The following ENPEP variants were observed in gnomAD, a reference collection of about 807,000 sequenced individuals.
The protein encoded by ENPEP is glutamyl aminopeptidase.
Under a neutral mutation model 114.5 loss-of-function variants are expected in ENPEP, and 103 were observed. The observed-to-expected ratio is 0.90, with a 90% CI of 0.77 to 1.06. The LOEUF (loss-of-function observed/expected upper bound fraction) is 1.06, where lower values mean the gene tolerates loss of function less well. ENPEP is among the 50% of genes least tolerant of loss of function. ENPEP has a pLI of 0.00. For missense variants in ENPEP, 1,196 were observed against 1,161.3 expected, an observed-to-expected ratio of 1.03 and a Z score of -0.43; for synonymous variants, 420 against 422.0, an observed-to-expected ratio of 1.00 and a Z score of 0.06.
chr4:110,560,631 A>G (rs1727645381), intron 19 of ENPEP, among the ~76,000 whole-genome samples: 1 of 152,196 alleles, frequency 6.6e-6, no homozygotes, highest in Non-Finnish European at 1.5e-5. Context: ...TCATGAAATC[A>G]TGGGCAGAAA....
At chr4:110,479,404 G>A (rs1371735238) in intron 1 of ENPEP, among the ~76,000 whole-genome samples, 3 of 151,996 alleles carry the variant, frequency 2.0e-5, no homozygotes, top group African/African-American at 4.8e-5. Context: ...AACTATTTAT[G>A]GACATTTTCT....
In ENPEP at chr4:110,506,456, A is replaced by G. The variant is rs572848845; in HGVS notation, c.919-181A>G. Reference sequence around the variant, plus strand: ...AACATTTTACATAAAATTCCTCCAGAGTCTCAGAGATGTGAAGTGATTTAT... The same window carrying G: ...AACATTTTACATAAAATTCCTCCAGGGTCTCAGAGATGTGAAGTGATTTAT... On this transcript the variant is annotated intron_variant, in intron 3 of 19. Transcript: ENST00000265162. 2.0e-5 allele frequency among the ~76,000 whole-genome samples: 3 copies of G among 152,358 alleles called. No individual in the cohort carries two copies. In the South Asian group the frequency reaches 6.2e-4, roughly 32 times the overall value.
chr4:110,543,369 C>T (rs1211691201), intron 13 of ENPEP, among the ~76,000 whole-genome samples: 1 of 151,968 alleles, frequency 6.6e-6, no homozygotes, highest in Non-Finnish European at 1.5e-5. Flanking sequence ...TGCAAATGAT[C>T]AAAAATGTAC....
At chr4:110,536,131 A>G (rs1726615892) in intron 11 of ENPEP, among the ~76,000 whole-genome samples, 1 of 150,870 alleles carries the variant, frequency 6.6e-6, no homozygotes, top group Non-Finnish European at 1.5e-5. Flanking sequence ...AAAAAAAAAA[A>G]AAGAATTAAG....
At chr4:110,484,749 ATATTTTATATATATATTATAT>A (rs895778944) in intron 1 of ENPEP, among the ~76,000 whole-genome samples, 1 of 130,646 alleles carries the variant, frequency 7.7e-6, no homozygotes, top group African/African-American at 3.1e-5. Flanking sequence ...ATATTATATT[ATATTTTATATATATATTATAT>A]TATATATATA....
At chr4:110,542,972 C>A (rs775646552) in intron 12 of ENPEP, 43 bp from the exon 13 acceptor site, 18 of 1,610,710 alleles carry the variant, frequency 1.1e-5, no homozygotes, top group Non-Finnish European at 1.4e-5. Flanking sequence ...ACATGCTTTG[C>A]CTTAAGAATT....
At chr4:110,544,477 A>G (rs1726975508) in intron 13 of ENPEP, among the ~76,000 whole-genome samples, 2 of 152,090 alleles carry the variant, frequency 1.3e-5, no homozygotes, top group Admixed American at 1.3e-4. Context: ...TGGATATGTA[A>G]TAGATTATTT....
rs575534244 is a variant in ENPEP, at chr4:110,513,177, T to C, written c.1309-238T>C. 1.6e-5 allele frequency: 5 copies of C among 308,780 alleles called. No individual in the cohort carries two copies. The Admixed American group carries it at 2.0e-4, about 12-fold the overall frequency. The allele number at this position is 308,780 out of a possible 1,614,324, so 19.1% of individuals were successfully genotyped here. Reference sequence around the variant, plus strand: ...GTCGCAGAAGCAGAATTCACAGAAGTTGATGTCTTCTCGGCCTGTCATCTG... The same window carrying C: ...GTCGCAGAAGCAGAATTCACAGAAGCTGATGTCTTCTCGGCCTGTCATCTG... On this transcript the variant is annotated intron_variant, in intron 6 of 19. Coordinates refer to ENST00000265162, the MANE Select transcript of ENPEP (RefSeq NM_001977.4).
chr4:110,497,185 T>A (rs1724978052), intron 3 of ENPEP, among the ~76,000 whole-genome samples: 1 of 152,236 alleles, frequency 6.6e-6, no homozygotes, highest in Non-Finnish European at 1.5e-5. Context: ...GTGATTTTTC[T>A]GTTTTCCTCA....
chr4:110,515,821 C>T (rs896415238), intron 8 of ENPEP: 14 of 456,918 alleles, frequency 3.1e-5, no homozygotes, highest in Admixed American at 1.6e-4. Flanking sequence ...TGGCTGATTC[C>T]GTTTCTGGTG....
intron 9 of ENPEP, 37 bp downstream of exon 9, chr4:110,520,110 C>T (rs1484668405): frequency 4.4e-6 from 7 of 1,604,908 alleles, no homozygotes; most frequent in Non-Finnish European, 6.0e-6. Flanking sequence ...ATTTCTTTGT[C>T]TGATTTACAA....
chr4:110,480,082 C>T (rs573543058), intron 1 of ENPEP, among the ~76,000 whole-genome samples: 1 of 152,184 alleles, frequency 6.6e-6, no homozygotes, highest in Non-Finnish European at 1.5e-5. Flanking sequence ...ATGGCAACAT[C>T]GGTGAGGAAG....
intron 3 of ENPEP, among the ~76,000 whole-genome samples, chr4:110,504,625 T>C (rs1224546196): frequency 1.3e-5 from 2 of 152,296 alleles, no homozygotes; most frequent in South Asian, 2.1e-4. Context: ...CATATTTCTA[T>C]GGACTTGAGT....
intron 1 of ENPEP, among the ~76,000 whole-genome samples, chr4:110,486,180 A>C (rs1313750517): frequency 6.6e-6 from 1 of 152,218 alleles, no homozygotes; most frequent in East Asian, 1.9e-4. Context: ...ATTTTAAAAA[A>C]TCAGAGTAAG....
At chr4:110,546,998 C>T (rs1210155770) in intron 13 of ENPEP, among the ~76,000 whole-genome samples, 4 of 151,956 alleles carry the variant, frequency 2.6e-5, no homozygotes, top group Non-Finnish European at 4.4e-5. Context: ...CTTTAGGGAG[C>T]CATGTTTGAC....
In ENPEP at chr4:110,491,117, G is replaced by C. The variant is rs769868589; in HGVS notation, c.871G>C (p.Val291Leu). 6 of 1,611,798 alleles carry C rather than the reference G, an allele frequency of 3.7e-6. No homozygotes were observed. The Admixed American group carries it at 1.0e-4, about 27-fold the overall frequency. ...GAGCACGTACCTGGTGTGCTTTGCT[G>C]TACATCAATTTGACTCTGTAAAGAG... Reference protein sequence around the residue: ...PMSTYLVCFAVHQFDSVKRIS... With the variant: ...PMSTYLVCFALHQFDSVKRIS... The change falls in exon 3 of 20, where the codon GTA becomes CTA. Residue 291 changes from valine (V) to leucine (L), a missense_variant. Coordinates refer to ENST00000265162, the MANE Select transcript of ENPEP (RefSeq NM_001977.4).
chr4:110,538,318 T>C (rs1326199449), intron 11 of ENPEP, among the ~76,000 whole-genome samples: 1 of 152,250 alleles, frequency 6.6e-6, no homozygotes, highest in Admixed American at 6.5e-5. Flanking sequence ...CTTTAACTTC[T>C]ATATCAACAC....
At chr4:110,489,706 C>A (rs888725891) in intron 2 of ENPEP, among the ~76,000 whole-genome samples, 6 of 152,166 alleles carry the variant, frequency 3.9e-5, no homozygotes, top group African/African-American at 1.4e-4. Flanking sequence ...AATGTTGTTA[C>A]CTAGAGTTTC....
At position 110,476,502 on chromosome 4, in the gene ENPEP, G is replaced by T. The variant is rs764202691; in HGVS notation, c.88G>T (p.Gly30Ter). 5 of 1,594,760 alleles carry T rather than the reference G, an allele frequency of 3.1e-6. No individual in the cohort carries two copies. The South Asian group carries it at 5.7e-5, about 18-fold the overall frequency. Residue 30 changes from glycine (G) to a stop codon, truncating the protein, a stop_gained, in exon 1 of 20, where the codon GGA becomes TGA. Coordinates refer to ENST00000265162, the MANE Select transcript of ENPEP (RefSeq NM_001977.4). LOFTEE classifies it high-confidence loss of function. ...TCTCTGTGCGGTGGTGGTGGGTGTA[G>T]GATTAATAGTGGGACTTGCCGTGGG... ...AILCAVVVGVGLIVGLAVGLT... is the reference protein window; with the variant it reads ...AILCAVVVGV
Sources: allele counts gnomAD v4.1 joint callset (sites outside exome capture counted in the v4.1 genomes callset), GRCh38; gene constraint gnomAD v4.1.1; transcripts MANE v1.5; gene names NCBI Gene and HGNC (gene_info 2026-07-23, HGNC 2026-07-21).